Variants in LRP4 observed in about 807,000 individuals in gnomAD.
LRP4 encodes LDL receptor related protein 4.
A neutral mutation model predicts 220.3 loss-of-function variants in LRP4; 95 were observed. That is an observed-to-expected ratio of 0.43 (90% CI 0.37 to 0.51). The LOEUF is 0.51. Among genes scored for constraint, LRP4 ranks in the 20% least tolerant of loss-of-function variants. The pLI is 0.00. For missense variants in LRP4, 1,925 were observed against 2,567.0 expected, an observed-to-expected ratio of 0.75 and a Z score of 5.40; for synonymous variants, 903 against 954.6, an observed-to-expected ratio of 0.95 and a Z score of 1.00.
chr11:46,886,263 T>C lies in LRP4; in HGVS notation c.2424+62A>G. ...CCAATTCTCAAGGTTGGCAAAGGTA[T>C]GGGAAGCCCTTCCCTGGAGAGGGTG... On this transcript the variant is annotated intron_variant, in intron 17 of 37. Transcript: ENST00000378623. The C allele has an allele frequency of 1.9e-6, 3 of 1,602,134 alleles. No homozygotes were observed. In the Admixed American group the frequency reaches 5.0e-5, roughly 27 times the overall value.
At chr11:46,883,835 G>A in intron 19 of LRP4, 36 bp downstream of exon 19, 1 of 1,480,780 alleles carries the variant, frequency 6.8e-7, no homozygotes, top group Non-Finnish European at 9.4e-7. Flanking sequence ...CTTGGGAGGG[G>A]TGGATGGAGC....
intron 11 of LRP4, 116 bp from the exon 12 acceptor site, chr11:46,894,935 C>T (rs957943931): frequency 9.6e-7 from 1 of 1,046,126 alleles, no homozygotes; most frequent in Non-Finnish European, 1.5e-6. Flanking sequence ...ATGCCCCAAG[C>T]TGTCAGCATC....
rs1941385433 is a variant in LRP4, at chr11:46,890,009, A to G, written c.2027T>C (p.Ile676Thr). The G allele has an allele frequency of 6.2e-7, 1 of 1,613,958 alleles. No individual in the cohort carries two copies. Among genetic ancestry groups the G allele is most frequent in the Non-Finnish European group, 8.5e-7 (1 of 1,180,004 alleles). Residue 676 changes from isoleucine to threonine, a missense_variant, in exon 15 of 38, where the codon ATC becomes ACC. Transcript: ENST00000378623. This position sits in a 1 kb window ranked among gnomAD's most constrained non-coding sequence, Gnocchi z 5.3. ...AGGGAAGTGGAGTTTGTTGCGAATG[A>G]TTTCCTGGTTCTTCCCCGTAAATTT... The part of the protein sequence containing the change: ...ANKFTGKNQE[I>T]IRNKLHFPMD...
At position 46,877,292 on chromosome 11, in the gene LRP4, C is replaced by G. The variant is rs1163483037; in HGVS notation, c.3184G>C (p.Val1062Leu). ...IFARRIDIRMVSLDIPYFADV... is the reference protein window; with the variant it reads ...IFARRIDIRMLSLDIPYFADV... ...GCAAAATAAGGGATGTCCAGGGAGA[C>G]CATGCGAATGTCTATCCTCCTGGCG... Residue 1062 changes from valine (V) to leucine (L), a missense_variant, in exon 23 of 38, where the codon GTC becomes CTC. Val to Leu is a conservative substitution (Grantham distance 32). Coordinates refer to ENST00000378623, the MANE Select transcript of LRP4 (RefSeq NM_002334.4). 6.2e-7 allele frequency: 1 copy of G among 1,613,868 alleles called. No homozygotes were observed. Among genetic ancestry groups the G allele is most frequent in the Non-Finnish European group, 8.5e-7 (1 of 1,179,972 alleles).
rs1390574023 is a variant in LRP4, at chr11:46,905,871, C to T, written c.53-2942G>A. Among the ~76,000 whole-genome samples the T allele has an allele frequency of 2.0e-5, 3 of 149,416 alleles. No individual in the cohort carries two copies. The South Asian group carries it at 6.3e-4, about 32-fold the overall frequency. On this transcript the variant is annotated intron_variant, in intron 1 of 37. Coordinates refer to ENST00000378623, the MANE Select transcript of LRP4 (RefSeq NM_002334.4). The stretch of plus-strand genomic sequence containing the variant: ...CCGTCTCAAAAAAAAAAAAAAAAAT[C>T]TATAACATGCAGACAGGCCCCTATG...
At position 46,858,680 on chromosome 11, in the gene LRP4, T is replaced by A; in HGVS notation, c.*303A>T. ...CTGAGGGTACTGGGGAAAGGGGAGG[T>A]GGAGCTCTACGCTGGTGAGGAATCA... On this transcript the variant is annotated 3_prime_UTR_variant, in exon 38 of 38. Coordinates refer to ENST00000378623, the MANE Select transcript of LRP4 (RefSeq NM_002334.4). 2.4e-6 allele frequency: 1 copy of A among 418,948 alleles called. No individual in the cohort carries two copies. The highest frequency in any genetic ancestry group is 2.1e-5 in the South Asian group (1 of 47,682). The allele number at this position is 418,948 out of a possible 1,614,324, so 26.0% of individuals were successfully genotyped here.
chr11:46,871,465 A>G (rs1592518493), intron 31 of LRP4, 60 bp downstream of exon 31: 1 of 1,172,456 alleles, frequency 8.5e-7, no homozygotes, highest in East Asian at 2.5e-5. Context: ...CTGCTGACTT[A>G]GAACCCCAAA....
chr11:46,903,204 T>C (rs1330252670), intron 1 of LRP4, among the ~76,000 whole-genome samples: 1 of 152,154 alleles, frequency 6.6e-6, no homozygotes, highest in Non-Finnish European at 1.5e-5. Flanking sequence ...AAACAGATGA[T>C]GCCACCTAGG....
At chr11:46,881,067 A>G (rs917041315) in intron 20 of LRP4, among the ~76,000 whole-genome samples, 1 of 140,984 alleles carries the variant, frequency 7.1e-6, no homozygotes, top group Non-Finnish European at 1.6e-5. Context: ...CCAAAAAAAA[A>G]AAAAAAAAAA....
In LRP4 at chr11:46,900,495, C is replaced by T. The variant is rs1001046324; in HGVS notation, c.200-117G>A. The stretch of plus-strand genomic sequence containing the variant: ...TTGTCTTTTTTTCTTTTTTTGAGAC[C>T]GAGTCTTACTCTGTCACCCAGGTTG... On this transcript the variant is annotated intron_variant, in intron 2 of 37. Transcript: ENST00000378623. The T allele has an allele frequency of 2.1e-5, 15 of 727,122 alleles. No homozygotes were observed. In the Admixed American group the frequency reaches 2.2e-4, roughly 10 times the overall value. The allele number at this position is 727,122 out of a possible 1,614,324, so 45.0% of individuals were successfully genotyped here.
intron 1 of LRP4, among the ~76,000 whole-genome samples, chr11:46,916,603 C>T (rs1384907213): frequency 1.3e-5 from 2 of 151,582 alleles, no homozygotes; most frequent in Non-Finnish European, 2.9e-5. Context: ...GTAAAATCTT[C>T]TTGGCCAGTC....
At chr11:46,876,201 TAGAG>T (rs1384305881) in intron 25 of LRP4, among the ~76,000 whole-genome samples, 4 of 152,164 alleles carry the variant, frequency 2.6e-5, no homozygotes, top group Admixed American at 6.5e-5. Context: ...AGCTGAGAAT[TAGAG>T]AGGTTAAATA....
chr11:46,886,591 G>T, intron 16 of LRP4, 58 bp from the exon 17 acceptor site: 1 of 1,417,420 alleles, frequency 7.1e-7, no homozygotes, highest in Non-Finnish European at 9.9e-7. Flanking sequence ...AACAGTGACA[G>T]ACACAGACGC....
chr11:46,886,034 G>A (rs1301164918), intron 18 of LRP4, 57 bp downstream of exon 18: 5 of 1,449,084 alleles, frequency 3.5e-6, no homozygotes, highest in Non-Finnish European at 3.9e-6. Flanking sequence ...TGAGGCCAGG[G>A]TTTTAAACAA....
Position 46,859,323 on chromosome 11 carries a change from G to A in LRP4, c.5386-8C>T. 1.2e-6 allele frequency: 2 copies of A among 1,605,726 alleles called. No individual in the cohort carries two copies. Among genetic ancestry groups the A allele is most frequent in the South Asian group, 1.1e-5 (1 of 90,878 alleles). ...GTTATGGTCAGGCCCTCCCTAGGGT[G>A]GAGAGTGGGCAGATATGGTCAGTCA... On this transcript the variant is annotated splice_region_variant and splice_polypyrimidine_tract_variant and intron_variant, in intron 37 of 37. Coordinates refer to ENST00000378623, the MANE Select transcript of LRP4 (RefSeq NM_002334.4).
At position 46,890,420 on chromosome 11, in the gene LRP4, A is replaced by G; in HGVS notation, c.1772T>C (p.Ile591Thr). 1 of 1,614,192 alleles carries G rather than the reference A, an allele frequency of 6.2e-7. No homozygotes were observed. The highest frequency in any genetic ancestry group is 8.5e-7 in the Non-Finnish European group (1 of 1,180,036). Reference sequence around the variant, plus strand: ...CCAGAAGAGATGGGTATCGGCAATGATGCGGCGTCCAGAGCCATCCATGCT... The same window carrying G: ...CCAGAAGAGATGGGTATCGGCAATGGTGCGGCGTCCAGAGCCATCCATGCT... ...ASSMDGSGRR[I>T]IADTHLFWPN... is the part of the protein sequence containing the mutation. Residue 591 changes from isoleucine to threonine, a missense_variant, in exon 14 of 38, where the codon ATC becomes ACC. Around this residue, in one of 3 missense-constraint regions of LRP4, gnomAD observed 269 missense variants for 436.7 expected, o/e 0.62. Coordinates refer to ENST00000378623, the MANE Select transcript of LRP4 (RefSeq NM_002334.4). This position sits in a 1 kb window ranked among gnomAD's most constrained non-coding sequence, Gnocchi z 5.3.
rs1202273716 is a variant in LRP4, at chr11:46,858,936, T to C, written c.*47A>G. 5.7e-6 allele frequency: 9 copies of C among 1,569,852 alleles called. No homozygotes were observed. The highest frequency in any genetic ancestry group is 1.4e-5 in the African/African-American group (1 of 73,926). On this transcript the variant is annotated 3_prime_UTR_variant, in exon 38 of 38. Coordinates refer to ENST00000378623, the MANE Select transcript of LRP4 (RefSeq NM_002334.4). ...TGTAAGCGAGCACAAGGACTAGACG[T>C]CCATAAAGGAGAAGGAACAGGCAGG...
intron 16 of LRP4, among the ~76,000 whole-genome samples, chr11:46,888,974 T>C (rs1028968256): frequency 2.1e-4 from 32 of 152,208 alleles, no homozygotes; most frequent in Admixed American, 9.2e-4. Flanking sequence ...CACATATTTA[T>C]CCAGGACCCG....
intron 22 of LRP4, 22 bp downstream of exon 22, chr11:46,878,885 G>A (rs373930335): frequency 6.1e-5 from 99 of 1,613,780 alleles, no homozygotes; most frequent in Non-Finnish European, 1.5e-5. Context: ...GCTGCATCTA[G>A]ATCTGTGATG....
Sources: allele counts gnomAD v4.1 joint callset (sites outside exome capture counted in the v4.1 genomes callset), GRCh38; gene constraint gnomAD v4.1.1; regional missense constraint gnomAD v4.1.1; non-coding constraint Gnocchi (gnomAD v3.1); transcripts MANE v1.5; gene names NCBI Gene and HGNC (gene_info 2026-07-23, HGNC 2026-07-21).